The following GGT1 variants were observed in gnomAD, a reference collection of about 807,000 sequenced individuals.
The protein encoded by GGT1 is gamma-glutamyltransferase 1.
GGT1 carries 21 observed loss-of-function variants against 56.0 expected under a neutral mutation model. That is an observed-to-expected ratio of 0.38 (90% CI 0.27 to 0.54). GGT1 has a LOEUF of 0.54. Among genes scored for constraint, GGT1 ranks in the 20% least tolerant of loss-of-function variants. The probability of loss-of-function intolerance (pLI) is 0.82; values close to 1 mark genes in which losing one functional copy is unlikely to be tolerated. For missense variants in GGT1, 466 were observed against 787.0 expected (o/e 0.59, Z 4.88); for synonymous variants, 238 against 342.6 (o/e 0.69, Z 3.37).
chr22:24,594,949 G>A (rs2070477), intron 1 of GGT1: 43,929 of 152,236 alleles, frequency 0.29, 6,492 homozygotes, highest in Admixed American at 0.38. Context: ...AGGGCTCCCA[G>A]ATCCTGACCA....
upstream of GGT1, among the ~76,000 whole-genome samples, chr22:24,590,138 T>G (rs1329703969): frequency 6.6e-6 from 1 of 152,178 alleles, no homozygotes; most frequent in African/African-American, 2.4e-5. Flanking sequence ...CTTTTTTTGC[T>G]TATTTATTTT....
At chr22:24,597,136 C>G (rs1295924459) in intron 1 of GGT1, among the ~76,000 whole-genome samples, 1 of 151,854 alleles carries the variant, frequency 6.6e-6, no homozygotes, top group African/African-American at 2.4e-5. Flanking sequence ...GTGCCCGCCA[C>G]CACGCCCAGC....
intron 5 of GGT1, among the ~76,000 whole-genome samples, chr22:24,611,988 G>A (rs897602917): frequency 2.6e-5 from 4 of 152,254 alleles, no homozygotes; most frequent in East Asian, 3.9e-4. Flanking sequence ...TGTATTTTTA[G>A]TAGAGACAGG....
At chr22:24,585,680 G>T in the GGT1 span, 3 of 616,880 alleles carry the variant, frequency 4.9e-6, no homozygotes, top group South Asian at 4.1e-5. Context: ...GGGTGCTGGG[G>T]CCCCTCCCAC....
upstream of GGT1, chr22:24,599,444 T>C (rs887845690): frequency 2.7e-5 from 4 of 150,284 alleles, no homozygotes; most frequent in African/African-American, 4.9e-5. Flanking sequence ...TTCTTCTCAG[T>C]TGGGGAGGGG....
At chr22:24,596,743 A>G (rs1420344262) in intron 1 of GGT1, among the ~76,000 whole-genome samples, 2 of 1,662 alleles carry the variant, frequency 1.2e-3, no homozygotes, top group Non-Finnish European at 1.7e-3. Context: ...ACTAAAATAC[A>G]AAAAAAAAAA....
chr22:24,586,428 G>C, the GGT1 span: 1 of 1,596,588 alleles, frequency 6.3e-7, no homozygotes, highest in Non-Finnish European at 8.5e-7. Flanking sequence ...GAGAGTGGCA[G>C]GTGGGGATGG....
At chr22:24,584,818 C>A in the GGT1 span, among the ~76,000 whole-genome samples, 1 of 151,980 alleles carries the variant, frequency 6.6e-6, no homozygotes, top group Non-Finnish European at 1.5e-5. Context: ...TTCCCGCCTG[C>A]CCTGCCTGTC....
rs776029774 is a variant in GGT1 at position 24,628,076 on chromosome 22, C to T, written c.1337-5C>T. On this transcript the variant is annotated splice_polypyrimidine_tract_variant and splice_region_variant and intron_variant, in intron 13 of 15. Coordinates refer to ENST00000400382, the MANE Select transcript of GGT1 (RefSeq NM_001288833.2). The surrounding 1 kb of genome is among the most constrained non-coding windows in gnomAD (Gnocchi z 5.7). ...GGCATCCCTGTCTTCTCCCATCGGCCGCAGGGAAGCAGCCGCTCTCGTCCA... is the reference window on the plus strand; with the variant it reads ...GGCATCCCTGTCTTCTCCCATCGGCTGCAGGGAAGCAGCCGCTCTCGTCCA... 9.9e-6 allele frequency: 16 copies of T among 1,611,674 alleles called. No homozygotes were observed. The highest frequency in any genetic ancestry group is 2.2e-5 in the East Asian group (1 of 44,850).
the GGT1 span, chr22:24,589,177 G>A: frequency 1.5e-5 from 18 of 1,172,084 alleles, no homozygotes; most frequent in East Asian, 8.3e-5. Context: ...GTCTGGGTCC[G>A]GTGGCTGGTC....
the GGT1 span, chr22:24,589,477 G>T: frequency 1.5e-6 from 1 of 650,818 alleles, no homozygotes; most frequent in Non-Finnish European, 2.0e-6. Context: ...TCCGTTGGTG[G>T]ATTTCTCAGA....
intron 11 of GGT1, among the ~76,000 whole-genome samples, chr22:24,626,606 G>A (rs566611576): frequency 4.0e-5 from 6 of 151,772 alleles, no homozygotes; most frequent in Middle Eastern, 3.4e-3. Flanking sequence ...GGTTTACCTC[G>A]CTAGTCGGCG....
the GGT1 span, chr22:24,589,181 G>A: frequency 8.5e-7 from 1 of 1,182,746 alleles, no homozygotes; most frequent in Non-Finnish European, 1.1e-6. Context: ...GGGTCCGGTG[G>A]CTGGTCACAG....
At chr22:24,623,347 C>G (rs2047545876) in intron 10 of GGT1, 91 bp downstream of exon 10, 1 of 1,361,654 alleles carries the variant, frequency 7.3e-7, no homozygotes, top group Admixed American at 2.0e-5. Context: ...TGCTCGCCCC[C>G]CATGCCACGT....
chr22:24,598,445 CAA>C (rs1186508492), upstream of GGT1, among the ~76,000 whole-genome samples: 8 of 76,036 alleles, frequency 1.1e-4, no homozygotes, highest in African/African-American at 9.2e-5. Context: ...GACTCCGTCT[CAA>C]AAAAAAAAAA....
chr22:24,611,537 A>G (rs2046664644), intron 5 of GGT1, among the ~76,000 whole-genome samples: 1 of 112,800 alleles, frequency 8.9e-6, no homozygotes, highest in African/African-American at 5.2e-5. Flanking sequence ...CTATCTATCT[A>G]TCTATCATCT....
At chr22:24,616,843 T>A (rs796229127) in intron 7 of GGT1, among the ~76,000 whole-genome samples, 1 of 151,914 alleles carries the variant, frequency 6.6e-6, no homozygotes, top group Non-Finnish European at 1.5e-5. Flanking sequence ...CTGTGCCCGA[T>A]CAATCTTTCA....
chr22:24,589,022 A>T, the GGT1 span: 1 of 1,021,958 alleles, frequency 9.8e-7, no homozygotes, highest in Non-Finnish European at 1.2e-6. Flanking sequence ...CACACACAGC[A>T]GCTGCAAGCC....
chr22:24,593,042 C>T (rs947841961), upstream of GGT1: 17 of 1,044,000 alleles, frequency 1.6e-5, no homozygotes, highest in Non-Finnish European at 2.0e-5. Flanking sequence ...GCCCCCATGG[C>T]CGCCGCGCGA....
Sources: allele counts gnomAD v4.1 joint callset (sites outside exome capture counted in the v4.1 genomes callset), GRCh38; gene constraint gnomAD v4.1.1; non-coding constraint Gnocchi (gnomAD v3.1); transcripts MANE v1.5; gene names NCBI Gene and HGNC (gene_info 2026-07-23, HGNC 2026-07-21).